ZC3H12B: variants seen among roughly 807,000 people sequenced by gnomAD.
ZC3H12B encodes the protein probable ribonuclease ZC3H12B.
ZC3H12B carries 7 observed loss-of-function variants against 43.9 expected under a neutral mutation model. That is an observed-to-expected ratio of 0.16 (90% confidence interval 0.09 to 0.30). ZC3H12B has a LOEUF of 0.30. Ranked by LOEUF, ZC3H12B falls within the 10% of genes least tolerant of loss-of-function variation. The pLI is 1.00. For synonymous variants in ZC3H12B, 222 were observed against 241.7 expected (o/e 0.92, Z 0.76); for missense variants, 475 against 670.2 (o/e 0.71, Z 3.22).
At chrX:65,229,455 A>T in the ZC3H12B span, among the ~76,000 whole-genome samples, 6 of 108,403 alleles carry the variant, frequency 5.5e-5, no homozygotes, top group East Asian at 1.8e-3. Context: ...AGGCATTACC[A>T]TTCAGGACAT....
chrX:65,367,087 G>A (rs1249607930), intron 1 of ZC3H12B, among the ~76,000 whole-genome samples: 2 of 112,256 alleles, frequency 1.8e-5, no homozygotes, highest in African/African-American at 3.2e-5. Context: ...ATGAAAGCTA[G>A]TCAGAACTTT....
At chrX:65,222,047 C>T in the ZC3H12B span, among the ~76,000 whole-genome samples, 18 of 111,599 alleles carry the variant, frequency 1.6e-4, no homozygotes, top group Admixed American at 4.8e-4. Context: ...AGTTTAATAT[C>T]TGCAAGTCAA....
the ZC3H12B span, among the ~76,000 whole-genome samples, chrX:65,250,324 T>C: frequency 8.9e-6 from 1 of 112,241 alleles, no homozygotes; most frequent in Admixed American, 9.4e-5. Flanking sequence ...ATTTGCTTAA[T>C]CCAGTCAATC....
chrX:65,158,300 G>A, the ZC3H12B span, among the ~76,000 whole-genome samples: 249 of 111,442 alleles, frequency 2.2e-3, 1 homozygote, highest in Admixed American at 4.1e-3. Flanking sequence ...TAATGGAATG[G>A]CTGAGTCAAA....
At chrX:65,373,892 G>GTTATATA (rs1279711058) in intron 2 of ZC3H12B, among the ~76,000 whole-genome samples, 2 of 11,151 alleles carry the variant, frequency 1.8e-4, no homozygotes, top group African/African-American at 2.5e-3. Flanking sequence ...TTAAAGTATA[G>GTTATATA]TAATATATAT....
At chrX:65,264,844 G>A in the ZC3H12B span, among the ~76,000 whole-genome samples, 1 of 111,580 alleles carries the variant, frequency 9.0e-6, no homozygotes, top group African/African-American at 3.3e-5. Flanking sequence ...TCATTGTCGT[G>A]TGTATAAATG....
chrX:65,489,457 C>A (rs1034792727), intron 1 of ZC3H12B, 48 bp downstream of exon 6: 4 of 1,136,723 alleles, frequency 3.5e-6, no homozygotes, highest in Non-Finnish European at 4.7e-6. Flanking sequence ...CTGCCCTGAG[C>A]TCATAGAAAT....
the ZC3H12B span, among the ~76,000 whole-genome samples, chrX:65,053,296 C>T: frequency 9.0e-6 from 1 of 110,656 alleles, no homozygotes; most frequent in African/African-American, 3.3e-5. Flanking sequence ...TGTGATGTTC[C>T]CCTTCCCATG....
At chrX:65,367,511 T>C (rs766375165) in intron 1 of ZC3H12B, among the ~76,000 whole-genome samples, 15 of 111,912 alleles carry the variant, frequency 1.3e-4, no homozygotes, top group Admixed American at 2.9e-4. Context: ...ATAAATGAAC[T>C]GTGGAATATA....
intron 3 of ZC3H12B, among the ~76,000 whole-genome samples, chrX:65,423,952 C>T (rs945587733): frequency 1.8e-5 from 2 of 111,527 alleles, no homozygotes; most frequent in Non-Finnish European, 3.8e-5. Context: ...TCCATTGATA[C>T]CTAGTTTGTT....
chrX:65,494,363 C>T lies in ZC3H12B; in HGVS notation c.609-2769C>T, dbSNP rs751398423. On this transcript the variant is annotated intron_variant, in intron 1 of 4. Coordinates refer to ENST00000338957, the Ensembl canonical transcript of ZC3H12B. ...CTGGGCTCAAGTGATTTTCCTGCCTCAGCTTCCCAAGTAGCTAGGACTACA... is the reference window on the plus strand; with the variant it reads ...CTGGGCTCAAGTGATTTTCCTGCCTTAGCTTCCCAAGTAGCTAGGACTACA... Among the ~76,000 whole-genome samples the T allele has an allele frequency of 3.6e-5, 4 of 110,641 alleles. No individual in the cohort carries two copies. In the East Asian group the frequency reaches 1.1e-3, roughly 31 times the overall value.
the ZC3H12B span, among the ~76,000 whole-genome samples, chrX:65,346,376 A>G: frequency 9.0e-6 from 1 of 111,560 alleles, no homozygotes; most frequent in East Asian, 2.8e-4. Context: ...AGCAATGGGG[A>G]AAGGAATCCT....
chrX:65,382,520 G>C (rs183197302), intron 2 of ZC3H12B, among the ~76,000 whole-genome samples: 1 of 111,378 alleles, frequency 9.0e-6, no homozygotes, highest in Admixed American at 9.6e-5. Flanking sequence ...AAAACTGGAA[G>C]CATTCCCTTT....
At chrX:65,448,825 AAAAG>A (rs1366031977) in intron 3 of ZC3H12B, among the ~76,000 whole-genome samples, 1 of 105,640 alleles carries the variant, frequency 9.5e-6, no homozygotes, top group African/African-American at 3.5e-5. Flanking sequence ...AAAAAGAAGA[AAAAG>A]AAAGAAAGAG....
chrX:65,143,929 G>A, the ZC3H12B span, among the ~76,000 whole-genome samples: 15 of 110,748 alleles, frequency 1.4e-4, no homozygotes, highest in African/African-American at 4.3e-4. Context: ...AAGGATTTTA[G>A]CATCTATGTT....
the ZC3H12B span, among the ~76,000 whole-genome samples, chrX:65,310,981 A>G: frequency 8.9e-6 from 1 of 112,468 alleles, no homozygotes; most frequent in Middle Eastern, 4.2e-3. Flanking sequence ...CTTACAATTT[A>G]TACAAAAATT....
chrX:65,334,176 A>G, the ZC3H12B span, among the ~76,000 whole-genome samples: 8 of 112,101 alleles, frequency 7.1e-5, 1 homozygote, highest in East Asian at 2.2e-3. Flanking sequence ...ACCCTTTACA[A>G]TTTTTTATTA....
the ZC3H12B span, among the ~76,000 whole-genome samples, chrX:65,296,023 G>GA: frequency 1.8e-5 from 2 of 111,452 alleles, no homozygotes; most frequent in African/African-American, 6.5e-5. Flanking sequence ...CTTCCCAGAG[G>GA]AAAAAAAGTC....
At chrX:65,139,914 G>A in the ZC3H12B span, among the ~76,000 whole-genome samples, 1 of 110,770 alleles carries the variant, frequency 9.0e-6, no homozygotes, top group African/African-American at 3.3e-5. Flanking sequence ...TAGGAATGCA[G>A]TTAACTTTTG....
Sources: gnomAD v4.1 joint callset for allele counts (sites outside exome capture counted in the v4.1 genomes callset) on GRCh38, gnomAD v4.1.1 for gene constraint, MANE v1.5 for transcripts, NCBI Gene and HGNC (gene_info 2026-07-23, HGNC 2026-07-21) for gene names.